Variants in TSHZ2 observed in about 807,000 individuals in gnomAD.
TSHZ2 encodes the protein teashirt zinc finger homeobox 2.
TSHZ2 carries 21 observed loss-of-function variants against 74.4 expected under a neutral mutation model. The ratio of observed to expected loss-of-function variants is 0.28; its 90% CI spans 0.20 to 0.41. The LOEUF (loss-of-function observed/expected upper bound fraction) is 0.41, where lower values mean the gene tolerates loss of function less well. Ranked by LOEUF, TSHZ2 falls within the 10% of genes least tolerant of loss-of-function variation. The pLI, the probability that TSHZ2 is intolerant of heterozygous loss-of-function variation, is 1.00. For synonymous variants in TSHZ2, 540 were observed against 515.3 expected, an observed-to-expected ratio of 1.05 and a Z score of -0.65; for missense variants, 1,244 against 1,293.5, an observed-to-expected ratio of 0.96 and a Z score of 0.59.
chr20:53,290,081 G>A (rs539448671), intron 2 of TSHZ2, among the ~76,000 whole-genome samples: 25 of 152,204 alleles, frequency 1.6e-4, no homozygotes, highest in African/African-American at 5.5e-4. Flanking sequence ...CATATTTTCA[G>A]CTTCTCTTGA....
intron 1 of TSHZ2, among the ~76,000 whole-genome samples, chr20:53,095,750 G>A (rs1420044274): frequency 3.9e-5 from 6 of 152,028 alleles, no homozygotes; most frequent in Non-Finnish European, 7.4e-5. Flanking sequence ...TGATGCCAGT[G>A]GCATCTCCTT....
rs545043263 is a variant in TSHZ2 at position 53,410,268 on chromosome 20, T to C, written c.*9-76876T>C. 2.0e-5 allele frequency among the ~76,000 whole-genome samples: 3 copies of C among 152,312 alleles called. No homozygotes were observed. The East Asian group carries it at 5.8e-4, about 29-fold the overall frequency. On this transcript the variant is annotated intron_variant, in intron 2 of 2. Coordinates refer to ENST00000371497, the MANE Select transcript of TSHZ2 (RefSeq NM_173485.6). ...CTTACCACTTACATAGATCAGGCCA[T>C]GGGCTCTCCCCTACTTTCACTCAGC...
chr20:52,973,169 C>A lies in TSHZ2; in HGVS notation c.-125C>A, dbSNP rs1981190762. 7.9e-7 allele frequency: 1 copy of A among 1,266,446 alleles called. No homozygotes were observed. Among genetic ancestry groups the A allele is most frequent in the Admixed American group, 2.2e-5 (1 of 44,880 alleles). The allele number at this position is 1,266,446 out of a possible 1,614,324, so 78.5% of individuals were successfully genotyped here. On this transcript the variant is annotated 5_prime_UTR_variant, in exon 1 of 3. Transcript: ENST00000371497. ...GGGGGATCGTCAGGGGGACAGAGGC[C>A]GAGTGACGTCCTAGGAGCCACCGGG...
At chr20:53,136,739 C>T (rs1987254487) in intron 1 of TSHZ2, among the ~76,000 whole-genome samples, 1 of 151,930 alleles carries the variant, frequency 6.6e-6, no homozygotes, top group Admixed American at 6.6e-5. Context: ...TTTCATTCCT[C>T]TAAGTGATGC....
intron 2 of TSHZ2, among the ~76,000 whole-genome samples, chr20:53,270,026 G>A (rs1482561200): frequency 6.6e-6 from 1 of 151,966 alleles, no homozygotes; most frequent in Non-Finnish European, 1.5e-5. Flanking sequence ...AGGAAACTGA[G>A]GCATTTTTCA....
At chr20:53,116,604 C>T (rs1000439082) in intron 1 of TSHZ2, among the ~76,000 whole-genome samples, 2 of 152,012 alleles carry the variant, frequency 1.3e-5, no homozygotes, top group Non-Finnish European at 2.9e-5. Context: ...GAATAGTGTC[C>T]CCTGCAGCTG....
In TSHZ2 at chr20:52,973,193, G is replaced by A; in HGVS notation, c.-101G>A. 6.7e-7 allele frequency: 1 copy of A among 1,484,950 alleles called. No homozygotes were observed. Among genetic ancestry groups the A allele is most frequent in the Non-Finnish European group, 9.2e-7 (1 of 1,091,370 alleles). 92.0% of individuals were successfully genotyped at this position (1,484,950 alleles called of 1,614,324 possible). On this transcript the variant is annotated 5_prime_UTR_variant, in exon 1 of 3. Transcript: ENST00000371497. ...CCGAGTGACGTCCTAGGAGCCACCG[G>A]GCAAGAGGCGGAGGAGACCCAGAGA... is the stretch of plus-strand genomic sequence containing the variant.
chr20:53,177,482 T>C (rs1988371321), intron 1 of TSHZ2, among the ~76,000 whole-genome samples: 1 of 152,184 alleles, frequency 6.6e-6, no homozygotes, highest in Non-Finnish European at 1.5e-5. Context: ...CTGGTGCACA[T>C]ACGGCTGGTC....
At chr20:53,079,899 C>T (rs1428968208) in intron 1 of TSHZ2, among the ~76,000 whole-genome samples, 1 of 151,630 alleles carries the variant, frequency 6.6e-6, no homozygotes, top group African/African-American at 2.4e-5. Flanking sequence ...ATACACATAG[C>T]TTATGAGTGA....
intron 1 of TSHZ2, among the ~76,000 whole-genome samples, chr20:53,054,868 C>T (rs1314567761): frequency 6.6e-6 from 1 of 152,100 alleles, no homozygotes; most frequent in Non-Finnish European, 1.5e-5. Flanking sequence ...GTCAGATAGA[C>T]ACTATGGCAA....
At chr20:53,173,361 C>A (rs1316242449) in intron 1 of TSHZ2, among the ~76,000 whole-genome samples, 1 of 152,162 alleles carries the variant, frequency 6.6e-6, no homozygotes, top group Admixed American at 6.5e-5. Context: ...GTAATCCCAA[C>A]ACTTTGGGAG....
intron 1 of TSHZ2, among the ~76,000 whole-genome samples, chr20:53,108,242 ACAGAGC>A (rs1463335094): frequency 2.0e-5 from 3 of 152,214 alleles, no homozygotes; most frequent in Non-Finnish European, 4.4e-5. Context: ...TTACACATAC[ACAGAGC>A]CAGAGAGAGT....
intron 2 of TSHZ2, among the ~76,000 whole-genome samples, chr20:53,321,172 A>G (rs534270326): frequency 3.3e-5 from 5 of 152,302 alleles, no homozygotes; most frequent in Admixed American, 3.3e-4. Flanking sequence ...AAATGAAAAT[A>G]TCCTCCATTT....
intron 2 of TSHZ2, among the ~76,000 whole-genome samples, chr20:53,374,552 T>C (rs1181728575): frequency 5.9e-5 from 9 of 152,322 alleles, no homozygotes; most frequent in African/African-American, 2.2e-4. Context: ...TATGAGCACT[T>C]TGAGAAATCT....
At chr20:53,251,909 G>A (rs1443556244) in intron 1 of TSHZ2, among the ~76,000 whole-genome samples, 1 of 152,204 alleles carries the variant, frequency 6.6e-6, no homozygotes, top group Non-Finnish European at 1.5e-5. Context: ...AGCATCTCCT[G>A]TATTCGGGCA....
At chr20:53,333,231 A>T (rs944771918) in intron 2 of TSHZ2, among the ~76,000 whole-genome samples, 2 of 152,202 alleles carry the variant, frequency 1.3e-5, no homozygotes, top group African/African-American at 4.8e-5. Context: ...TAAACTACCT[A>T]GGAAATACTG....
intron 2 of TSHZ2, among the ~76,000 whole-genome samples, chr20:53,354,270 G>C (rs988079138): frequency 3.3e-5 from 5 of 152,306 alleles, no homozygotes; most frequent in African/African-American, 1.2e-4. Flanking sequence ...GAGACATGGT[G>C]CTCTTGTGGT....
chr20:53,456,289 A>G (rs1258049617), intron 2 of TSHZ2, among the ~76,000 whole-genome samples: 2 of 150,538 alleles, frequency 1.3e-5, no homozygotes, highest in Non-Finnish European at 3.0e-5. Context: ...TGTGGTTTTG[A>G]TTTGCATTTC....
intron 1 of TSHZ2, among the ~76,000 whole-genome samples, chr20:53,226,556 T>C (rs978149703): frequency 6.6e-6 from 1 of 152,118 alleles, no homozygotes; most frequent in African/African-American, 2.4e-5. Context: ...TTAGAAGCTC[T>C]TTAATAGATG....
Sources: allele counts gnomAD v4.1 joint callset (sites outside exome capture counted in the v4.1 genomes callset), GRCh38; gene constraint gnomAD v4.1.1; transcripts MANE v1.5; gene names NCBI Gene and HGNC (gene_info 2026-07-23, HGNC 2026-07-21).